ABCB5: variants seen among roughly 807,000 people sequenced by gnomAD.
ABCB5 encodes the protein ATP binding cassette subfamily B member 5, also known as ATP-binding cassette sub-family B member 5.
ABCB5 carries 155 observed loss-of-function variants against 144.2 expected under a neutral mutation model. The observed-to-expected ratio is 1.08, with a 90% confidence interval of 0.94 to 1.23. ABCB5 has a LOEUF of 1.23. Ranked by LOEUF, ABCB5 falls within the 50% of genes most tolerant of loss-of-function variation. The pLI is 0.00. For missense variants in ABCB5, 1,830 were observed against 1,520.8 expected (o/e 1.20, Z -3.38); for synonymous variants, 610 against 528.6 (o/e 1.15, Z -2.11).
chr7:20,680,933 A>C (rs1339340293), intron 14 of ABCB5, among the ~76,000 whole-genome samples: 2 of 151,628 alleles, frequency 1.3e-5, no homozygotes, highest in Non-Finnish European at 2.9e-5. Flanking sequence ...ACAATACTGC[A>C]ACAAAGATTT....
chr7:20,641,895 G>C (rs1784303870), intron 5 of ABCB5: 1 of 152,430 alleles, frequency 6.6e-6, no homozygotes, highest in African/African-American at 2.4e-5. Context: ...GTGTCTAGCA[G>C]AGAAAGTTGG....
chr7:20,628,631 G>C, intron 3 of ABCB5, 57 bp from the exon 4 acceptor site: 2 of 1,557,588 alleles, frequency 1.3e-6, no homozygotes, highest in South Asian at 2.4e-5. Flanking sequence ...GTGTGTGTGT[G>C]CTTGGTGTGT....
At chr7:20,648,346 C>G (rs1784476407) in intron 11 of ABCB5, among the ~76,000 whole-genome samples, 1 of 152,184 alleles carries the variant, frequency 6.6e-6, no homozygotes, top group Admixed American at 6.5e-5. Flanking sequence ...ACCTAAATGT[C>G]TTGGGTTGAC....
intron 14 of ABCB5, among the ~76,000 whole-genome samples, chr7:20,675,765 A>G (rs960979305): frequency 1.1e-4 from 16 of 151,988 alleles, no homozygotes; most frequent in African/African-American, 3.9e-4. Context: ...ATATCTGGTA[A>G]GAGATTAATA....
At chr7:20,644,992 C>T (rs1784371118) in intron 7 of ABCB5, among the ~76,000 whole-genome samples, 1 of 152,098 alleles carries the variant, frequency 6.6e-6, no homozygotes, top group Non-Finnish European at 1.5e-5. Flanking sequence ...CCTTAACGTC[C>T]ACAGAAGAGA....
chr7:20,728,940 T>C (rs1207678685), intron 23 of ABCB5, among the ~76,000 whole-genome samples: 3 of 152,188 alleles, frequency 2.0e-5, no homozygotes, highest in Non-Finnish European at 2.9e-5. Flanking sequence ...TTAAATTTTG[T>C]ATTGATATAT....
chr7:20,682,438 A>C (rs1197072798), intron 15 of ABCB5, among the ~76,000 whole-genome samples: 1 of 152,186 alleles, frequency 6.6e-6, no homozygotes, highest in East Asian at 1.9e-4. Flanking sequence ...AGAGGTCTTT[A>C]AGGTTAAAAG....
In ABCB5 at chr7:20,755,435, G is replaced by C; in HGVS notation, c.3585G>C (p.Gln1195His). The change falls in exon 28 of 28, where the codon CAG becomes CAC. Residue 1195 changes from glutamine to histidine, a missense_variant. Transcript: ENST00000404938. ...ALDNDSEKVV[Q>H]HALDKARTGR... ...GTCTTTCTCTCTTCCAGGTGGTTCA[G>C]CATGCCCTTGATAAAGCCAGGACGG... The C allele has an allele frequency of 6.2e-7, 1 of 1,614,152 alleles. No homozygotes were observed. The highest frequency in any genetic ancestry group is 1.1e-5 in the South Asian group (1 of 91,078).
At chr7:20,711,862 C>T (rs13309597) in intron 20 of ABCB5, among the ~76,000 whole-genome samples, 46,575 of 73,712 alleles carry the variant, frequency 0.63, 16,274 homozygotes, top group East Asian at 0.94. Context: ...TCTTTCTTTC[C>T]TTCCTCCCTC....
In ABCB5 at chr7:20,743,072, G is replaced by A. The variant is rs1178364866; in HGVS notation, c.3220G>A (p.Val1074Met). 4 of 1,613,720 alleles carry A rather than the reference G, an allele frequency of 2.5e-6. No individual in the cohort carries two copies. The highest frequency in any genetic ancestry group is 1.7e-5 in the Admixed American group (1 of 59,970). ...ACTTTATGACCCCGTGCAAGGACAA[G>A]TGGTAAGACAGAACTGAAACACACC... ...QRLYDPVQGQVLFDGVDAKEL... is the reference protein window; with the variant it reads ...QRLYDPVQGQMLFDGVDAKEL... Residue 1074 changes from valine (V) to methionine (M), a missense_variant and splice_region_variant, in exon 25 of 28, where the codon GTG becomes ATG. By Grantham distance (21) the Val-to-Met change is conservative. Coordinates refer to ENST00000404938, the MANE Select transcript of ABCB5 (RefSeq NM_001163941.2).
At chr7:20,635,390 T>G (rs1476367815) in intron 5 of ABCB5, among the ~76,000 whole-genome samples, 1 of 149,314 alleles carries the variant, frequency 6.7e-6, no homozygotes, top group East Asian at 1.9e-4. Flanking sequence ...ATAAAGGCTT[T>G]TTTTTTTTTT....
chr7:20,706,654 T>A (rs1318854160), intron 20 of ABCB5, among the ~76,000 whole-genome samples: 1 of 152,158 alleles, frequency 6.6e-6, no homozygotes, highest in Non-Finnish European at 1.5e-5. Flanking sequence ...AGCTAGAGAA[T>A]AAATGGTTGG....
intron 23 of ABCB5, among the ~76,000 whole-genome samples, chr7:20,737,990 T>A (rs1018772714): frequency 1.3e-5 from 2 of 152,200 alleles, no homozygotes; most frequent in Non-Finnish European, 2.9e-5. Context: ...GGATCTGAGG[T>A]CTAGGTCACT....
chr7:20,623,333 A>G lies in ABCB5; in HGVS notation c.48A>G (p.Arg16=). The change falls in exon 2 of 28, where the codon AGA becomes AGG. Residue 16 remains arginine (R), a synonymous_variant. Transcript: ENST00000404938. The part of the protein sequence containing the change: ...RAEEMQENYQ[R]NGTAEEQPKL... ...AAGAAATGCAAGAAAATTATCAGAG[A>G]AATGGGTAAGCTCTCACTAAGTTCT... 6.5e-7 allele frequency: 1 copy of G among 1,549,460 alleles called. No homozygotes were observed. The highest frequency in any genetic ancestry group is 1.4e-5 in the African/African-American group (1 of 73,182).
intron 16 of ABCB5, among the ~76,000 whole-genome samples, chr7:20,693,630 C>G (rs1418001566): frequency 2.0e-5 from 3 of 151,946 alleles, no homozygotes; most frequent in African/African-American, 4.8e-5. Context: ...TACCACTAAA[C>G]ACCTATACTA....
intron 5 of ABCB5, among the ~76,000 whole-genome samples, chr7:20,637,213 C>T (rs1487348991): frequency 6.6e-6 from 1 of 152,080 alleles, no homozygotes; most frequent in Non-Finnish European, 1.5e-5. Flanking sequence ...CTAAAGAATT[C>T]TATTCTACCT....
intron 13 of ABCB5, among the ~76,000 whole-genome samples, chr7:20,657,795 A>T (rs1784858979): frequency 6.6e-6 from 1 of 152,188 alleles, no homozygotes; most frequent in South Asian, 2.1e-4. Context: ...CTGATTTTTT[A>T]AATGTGAAGA....
At chr7:20,717,536 G>A (rs900923140) in intron 20 of ABCB5, among the ~76,000 whole-genome samples, 2 of 150,552 alleles carry the variant, frequency 1.3e-5, no homozygotes, top group Middle Eastern at 3.2e-3. Context: ...TCCGCCTCCC[G>A]GGTTCAAGCG....
Position 20,650,019 on chromosome 7 carries a change from T to G in ABCB5, c.1207-3T>G, listed in dbSNP as rs751977616. The G allele has an allele frequency of 2.5e-6, 4 of 1,610,220 alleles. No individual in the cohort carries two copies. In the Admixed American group the frequency reaches 6.7e-5, roughly 27 times the overall value. On this transcript the variant is annotated splice_polypyrimidine_tract_variant and splice_region_variant and intron_variant, in intron 11 of 27. Transcript: ENST00000404938. The stretch of plus-strand genomic sequence containing the variant: ...ATGATTTTCCCTCCATACATTCCAA[T>G]AGATTCTGAAAGGTCTGAATCTCAG...
Sources: allele counts gnomAD v4.1 joint callset (sites outside exome capture counted in the v4.1 genomes callset), GRCh38; gene constraint gnomAD v4.1.1; transcripts MANE v1.5; gene names NCBI Gene and HGNC (gene_info 2026-07-23, HGNC 2026-07-21).